Variants in PARP16 observed in about 807,000 individuals in gnomAD.
PARP16 encodes the protein protein mono-ADP-ribosyltransferase PARP16.
A neutral mutation model predicts 35.0 loss-of-function variants in PARP16; 31 were observed. That is an observed-to-expected ratio of 0.88 (90% CI 0.66 to 1.19). PARP16 has a LOEUF of 1.19. Among genes scored for constraint, PARP16 ranks in the 50% most tolerant of loss-of-function variants. The pLI, the probability that PARP16 is intolerant of heterozygous loss-of-function variation, is 0.00. For missense variants in PARP16, 424 were observed against 411.2 expected (o/e 1.03, Z -0.27); for synonymous variants, 162 against 169.5 (o/e 0.96, Z 0.34).
At chr15:65,239,441 A>G (rs2088978891) in intron 3 of PARP16, among the ~76,000 whole-genome samples, 1 of 143,542 alleles carries the variant, frequency 7.0e-6, no homozygotes, top group African/African-American at 2.6e-5. Context: ...AAAAAAAAAA[A>G]AAAAAAAAAA....
In PARP16 at chr15:65,286,751, T is replaced by G. The variant is rs1484112805; in HGVS notation, c.-325A>C. 3 of 296,750 alleles carry G rather than the reference T, an allele frequency of 1.0e-5. No individual in the cohort carries two copies. Among genetic ancestry groups the G allele is most frequent in the Non-Finnish European group, 1.2e-5 (2 of 160,246 alleles). 18.4% of individuals were successfully genotyped at this position (296,750 alleles called of 1,614,324 possible). On this transcript the variant is annotated 5_prime_UTR_variant, in exon 1 of 6. Coordinates refer to ENST00000649807, the MANE Select transcript of PARP16 (RefSeq NM_001316943.2). ...CGGCCTAGGGGAAGGGCTATGACAA[T>G]GGAATGACAACCGCGGGAACGTGCT...
chr15:65,239,452 A>AAAAAAAAGAG (rs34910178), intron 3 of PARP16, among the ~76,000 whole-genome samples: 57 of 113,000 alleles, frequency 5.0e-4, no homozygotes, highest in Non-Finnish European at 9.4e-4. Context: ...AAAAAAAAAA[A>AAAAAAAAGAG]AGAGAGAAAA....
intron 3 of PARP16, among the ~76,000 whole-genome samples, chr15:65,265,609 C>G (rs192640953): frequency 2.0e-5 from 3 of 152,302 alleles, no homozygotes; most frequent in Admixed American, 1.3e-4. Flanking sequence ...CCCTCAGTTT[C>G]TCCAAGGGCT....
intron 1 of PARP16, among the ~76,000 whole-genome samples, chr15:65,281,516 C>A (rs921092740): frequency 3.3e-5 from 5 of 152,008 alleles, no homozygotes; most frequent in Non-Finnish European, 7.4e-5. Flanking sequence ...CATGGTGAAA[C>A]CCTATCTCTA....
At chr15:65,261,259 A>G (rs887507449) in intron 4 of PARP16, among the ~76,000 whole-genome samples, 1 of 151,804 alleles carries the variant, frequency 6.6e-6, no homozygotes, top group African/African-American at 2.4e-5. Context: ...AAGAAAAAAC[A>G]AAACTCAACT....
At chr15:65,275,190 T>C (rs1046281903) in intron 1 of PARP16, among the ~76,000 whole-genome samples, 4 of 151,666 alleles carry the variant, frequency 2.6e-5, no homozygotes, top group African/African-American at 7.3e-5. Flanking sequence ...GGGACTCCTG[T>C]TGCGTAGGGG....
intron 2 of PARP16, chr15:65,248,270 C>T: frequency 2.2e-6 from 1 of 456,412 alleles, no homozygotes; most frequent in Non-Finnish European, 4.4e-6. Flanking sequence ...TTAAAAATGT[C>T]CAAGTAAATT....
At chr15:65,240,561 T>C (rs1444657531) in intron 3 of PARP16, among the ~76,000 whole-genome samples, 1 of 152,136 alleles carries the variant, frequency 6.6e-6, no homozygotes, top group Non-Finnish European at 1.5e-5. Flanking sequence ...ATTTTGAAAT[T>C]CATCCATGTT....
At chr15:65,265,228 C>T (rs1057082644) in intron 3 of PARP16, among the ~76,000 whole-genome samples, 5 of 152,260 alleles carry the variant, frequency 3.3e-5, no homozygotes, top group African/African-American at 1.2e-4. Context: ...CCTGCAGCTC[C>T]TCCAACTACC....
intron 3 of PARP16, among the ~76,000 whole-genome samples, chr15:65,241,412 A>T (rs2089077249): frequency 6.6e-6 from 1 of 152,182 alleles, no homozygotes; most frequent in South Asian, 2.1e-4. Context: ...AAGTGCTGGG[A>T]TTACAAGCAT....
At chr15:65,278,831 T>C (rs1292588954) in intron 1 of PARP16, among the ~76,000 whole-genome samples, 1 of 151,290 alleles carries the variant, frequency 6.6e-6, no homozygotes, top group Non-Finnish European at 1.5e-5. Context: ...TAGATGTGGG[T>C]GGAGGTGCTG....
At chr15:65,255,805 G>A (rs1024512395), downstream of PARP16, among the ~76,000 whole-genome samples, 1 of 150,616 alleles carries the variant, frequency 6.6e-6, no homozygotes, top group African/African-American at 2.4e-5. Context: ...AAATGTTGCC[G>A]GAATGAGAGG....
chr15:65,248,655 C>T (rs147263938), intron 2 of PARP16, among the ~76,000 whole-genome samples: 1 of 152,188 alleles, frequency 6.6e-6, no homozygotes. Context: ...CCAAAACAGA[C>T]TGGGAGTGAG....
downstream of PARP16, among the ~76,000 whole-genome samples, chr15:65,256,697 G>A (rs1444711697): frequency 6.6e-6 from 1 of 151,952 alleles, no homozygotes; most frequent in African/African-American, 2.4e-5. Flanking sequence ...GTGAGCCACC[G>A]CGCCCGGCCG....
downstream of PARP16, among the ~76,000 whole-genome samples, chr15:65,233,609 G>A (rs1464764324): frequency 6.6e-6 from 1 of 151,830 alleles, no homozygotes. Context: ...GCTGGCATGC[G>A]CCTGTAGTCC....
intron 2 of PARP16, among the ~76,000 whole-genome samples, chr15:65,269,212 T>C (rs117630583): frequency 0.36 from 34,610 of 95,994 alleles, 4,747 homozygotes; most frequent in Admixed American, 0.48. Flanking sequence ...TTCTTTTTTT[T>C]TTGAGATACA....
At chr15:65,276,598 C>T (rs144742206) in intron 1 of PARP16, among the ~76,000 whole-genome samples, 1 of 152,240 alleles carries the variant, frequency 6.6e-6, no homozygotes, top group African/African-American at 2.4e-5. Context: ...AACTCCCGGG[C>T]TCATGCAATC....
At chr15:65,235,620 T>C (rs1168787888) in intron 3 of PARP16, among the ~76,000 whole-genome samples, 3 of 127,702 alleles carry the variant, frequency 2.3e-5, no homozygotes, top group East Asian at 2.3e-4. Flanking sequence ...CCAGGCAATA[T>C]GGTAAAACCC....
chr15:65,237,773 T>C (rs1192209899), intron 3 of PARP16, among the ~76,000 whole-genome samples: 1 of 152,174 alleles, frequency 6.6e-6, no homozygotes, highest in Non-Finnish European at 1.5e-5. Flanking sequence ...TCTCTGGTTG[T>C]TCTAAGCTGC....
Sources: allele counts gnomAD v4.1 joint callset (sites outside exome capture counted in the v4.1 genomes callset), GRCh38; gene constraint gnomAD v4.1.1; transcripts MANE v1.5; gene names NCBI Gene and HGNC (gene_info 2026-07-23, HGNC 2026-07-21).